The following ATP13A3 variants were observed in gnomAD, a reference collection of about 807,000 sequenced individuals.
ATP13A3 encodes the protein polyamine-transporting ATPase 13A3.
A neutral mutation model predicts 158.1 loss-of-function variants in ATP13A3; 59 were observed. The ratio of observed to expected loss-of-function variants is 0.37; its 90% CI spans 0.30 to 0.46. The LOEUF (loss-of-function observed/expected upper bound fraction) is 0.46. ATP13A3 is among the 20% of genes least tolerant of loss of function. The pLI is 1.00. For synonymous variants in ATP13A3, 491 were observed against 504.3 expected, an observed-to-expected ratio of 0.97 and a Z score of 0.35; for missense variants, 1,166 against 1,525.2, an observed-to-expected ratio of 0.76 and a Z score of 3.92.
At position 194,441,397 on chromosome 3, in the gene ATP13A3, T is replaced by C; in HGVS notation, c.1624A>G (p.Met542Val). The C allele has an allele frequency of 1.2e-6, 2 of 1,613,628 alleles. No homozygotes were observed. Among genetic ancestry groups the C allele is most frequent in the Non-Finnish European group, 1.7e-6 (2 of 1,179,600 alleles). ...TTTGTAAGTGAATGACAAGTAGCCATACAAGCAACAAACTGGGATTTTACC... is the reference window on the plus strand; with the variant it reads ...TTTGTAAGTGAATGACAAGTAGCCACACAAGCAACAAACTGGGATTTTACC... ...MLVKSQFVAC[M>V]ATCHSLTKIE... Residue 542 changes from methionine to valine, a missense_variant, in exon 16 of 34, where the codon ATG (methionine) becomes GTG (valine). Physicochemically the swap from Met to Val is conservative, Grantham distance 21. Transcript: ENST00000645319.
chr3:194,434,674 T>C (rs1034617093), intron 20 of ATP13A3, among the ~76,000 whole-genome samples: 4 of 152,174 alleles, frequency 2.6e-5, no homozygotes, highest in Non-Finnish European at 5.9e-5. Context: ...CCCACCACTT[T>C]GGGAGGCTGA....
At chr3:194,487,071 T>A (rs571924215), upstream of ATP13A3, 1 of 148,880 alleles carries the variant, frequency 6.7e-6, no homozygotes, top group Non-Finnish European at 1.5e-5. Context: ...GCGGGCGACG[T>A]CAGGAGGCGG....
At chr3:194,444,607 C>T (rs948759011) in intron 15 of ATP13A3, 118 bp downstream of exon 15, 2 of 786,618 alleles carry the variant, frequency 2.5e-6, no homozygotes, top group Admixed American at 3.1e-5. Flanking sequence ...GCAACATGTC[C>T]ACGGTTTAAT....
At chr3:194,463,826 G>A (rs138746312) in intron 2 of ATP13A3, among the ~76,000 whole-genome samples, 576 of 152,332 alleles carry the variant, frequency 3.8e-3, no homozygotes, top group African/African-American at 0.012. Context: ...CATAAAGATT[G>A]TTGAAACTTC....
intron 16 of ATP13A3, among the ~76,000 whole-genome samples, chr3:194,439,837 A>G (rs1051891183): frequency 6.6e-6 from 1 of 152,230 alleles, no homozygotes; most frequent in Non-Finnish European, 1.5e-5. Context: ...ATTTCTTTGA[A>G]GATACACCAA....
At position 194,448,198 on chromosome 3, in the gene ATP13A3, C is replaced by T. The variant is rs1718539071; in HGVS notation, c.1151-189G>A. Among the ~76,000 whole-genome samples the T allele has an allele frequency of 6.6e-6, 1 of 152,042 alleles. No individual in the cohort carries two copies. The highest frequency in any genetic ancestry group is 2.1e-4 in the South Asian group (1 of 4,814). ...GTTCACGCCATTCTCCTGCCTCAGC[C>T]TCCCGAGTAGCTGGGACTGCAGGCG... On this transcript the variant is annotated intron_variant, in intron 12 of 33. Transcript: ENST00000645319. The surrounding 1 kb of genome is among the most constrained non-coding windows in gnomAD (Gnocchi z 4.0).
chr3:194,409,282 T>C (rs1347631917), intron 33 of ATP13A3, among the ~76,000 whole-genome samples: 1 of 152,218 alleles, frequency 6.6e-6, no homozygotes, highest in African/African-American at 2.4e-5. Flanking sequence ...TCTTCTTCCA[T>C]ACCAATCCTG....
chr3:194,467,275 CATA>C (rs776699352), intron 2 of ATP13A3, among the ~76,000 whole-genome samples: 80 of 152,282 alleles, frequency 5.3e-4, no homozygotes, highest in Admixed American at 1.2e-3. Context: ...CTTAGTTCAG[CATA>C]ATAATATTTT....
chr3:194,421,275 T>C (rs1577035224), intron 30 of ATP13A3, among the ~76,000 whole-genome samples: 1 of 143,730 alleles, frequency 7.0e-6, no homozygotes, highest in Non-Finnish European at 1.5e-5. Flanking sequence ...AATGTGGGGC[T>C]GGGCACGGTG....
chr3:194,439,098 T>A, intron 16 of ATP13A3, 126 bp from the exon 17 acceptor site: 1 of 574,020 alleles, frequency 1.7e-6, no homozygotes, highest in Non-Finnish European at 3.0e-6. Flanking sequence ...AAAAAAAATG[T>A]ATGTCCAAGG....
chr3:194,490,940 G>A (rs931203941), upstream of ATP13A3, among the ~76,000 whole-genome samples: 3 of 152,216 alleles, frequency 2.0e-5, no homozygotes, highest in African/African-American at 7.2e-5. The surrounding 1 kb of genome is among the most constrained non-coding windows in gnomAD (Gnocchi z 4.4). Context: ...GAGGTTGGGA[G>A]TTTGAGATCA....
At chr3:194,467,842 C>T (rs1049289214) in intron 2 of ATP13A3, 2 of 152,104 alleles carry the variant, frequency 1.3e-5, no homozygotes, top group Non-Finnish European at 2.9e-5. Flanking sequence ...TCTAATCAGA[C>T]ATTTGAAGCA....
At position 194,428,787 on chromosome 3, in the gene ATP13A3, A is replaced by G. The variant is rs559353812; in HGVS notation, c.2947+58T>C. 21 of 1,278,202 alleles carry G rather than the reference A, an allele frequency of 1.6e-5. No individual in the cohort carries two copies. The African/African-American group carries it at 2.0e-4, about 12-fold the overall frequency. 79.2% of individuals were successfully genotyped at this position (1,278,202 alleles called of 1,614,324 possible). A position where few individuals can be genotyped will look rare whatever the true frequency, so the allele number is the denominator to read the frequency against. ...GTTGATGTAAATTTACAAAAATTTA[A>G]TAAGTCACATCAGAATTTCATACAC... On this transcript the variant is annotated intron_variant, in intron 28 of 33. Coordinates refer to ENST00000645319, the MANE Select transcript of ATP13A3 (RefSeq NM_001367549.1).
At chr3:194,410,997 G>A (rs1166369710) in intron 33 of ATP13A3, among the ~76,000 whole-genome samples, 4 of 150,420 alleles carry the variant, frequency 2.7e-5, no homozygotes, top group East Asian at 3.9e-4. Context: ...TTTGCTAAAC[G>A]ACTTGAGCCC....
chr3:194,431,374 A>C, intron 22 of ATP13A3, 148 bp from the exon 23 acceptor site: 3 of 1,047,104 alleles, frequency 2.9e-6, no homozygotes, highest in Non-Finnish European at 2.7e-6. Context: ...CAAAGTAAAA[A>C]GAAACTCAAT....
intron 26 of ATP13A3, 133 bp from the exon 27 acceptor site, chr3:194,429,907 T>C: frequency 1.0e-6 from 1 of 990,062 alleles, no homozygotes; most frequent in African/African-American, 1.6e-5. Flanking sequence ...CCAAAAGAAC[T>C]AAACCAAATG....
At chr3:194,461,847 T>C (rs1431323061) in intron 3 of ATP13A3, among the ~76,000 whole-genome samples, 2 of 152,248 alleles carry the variant, frequency 1.3e-5, no homozygotes, top group Admixed American at 6.5e-5. Flanking sequence ...TTTGGGATTG[T>C]ATTTAAATCT....
At chr3:194,430,830 T>C (rs1717163084) in intron 24 of ATP13A3, 113 bp downstream of exon 24, 1 of 740,808 alleles carries the variant, frequency 1.3e-6, no homozygotes, top group Non-Finnish European at 2.0e-6. Context: ...ATCACAATTA[T>C]ATATATAAAT....
intron 24 of ATP13A3, 26 bp from the exon 25 acceptor site, chr3:194,430,341 T>A: frequency 6.2e-7 from 1 of 1,603,106 alleles, no homozygotes. Flanking sequence ...ATGTTAAGAT[T>A]TTAATTAATT....
Sources: gnomAD v4.1 joint callset for allele counts (sites outside exome capture counted in the v4.1 genomes callset) on GRCh38, gnomAD v4.1.1 for gene constraint, Gnocchi (gnomAD v3.1) non-coding constraint, MANE v1.5 for transcripts, NCBI Gene and HGNC (gene_info 2026-07-23, HGNC 2026-07-21) for gene names.